Variants in AGBL4 observed in about 807,000 individuals in gnomAD.
AGBL4 encodes cytosolic carboxypeptidase 6.
A neutral mutation model predicts 66.4 loss-of-function variants in AGBL4; 58 were observed. The observed-to-expected ratio is 0.87, with a 90% CI of 0.71 to 1.09. The LOEUF (loss-of-function observed/expected upper bound fraction) is 1.09, where lower values mean the gene tolerates loss of function less well. Ranked by LOEUF, AGBL4 falls within the 50% of genes least tolerant of loss-of-function variation. The pLI is 0.00. For synonymous variants in AGBL4, 234 were observed against 222.9 expected (o/e 1.05, Z -0.44); for missense variants, 579 against 631.0 (o/e 0.92, Z 0.88).
chr1:49,805,667 T>C (rs542578815), intron 2 of AGBL4, among the ~76,000 whole-genome samples: 17 of 152,322 alleles, frequency 1.1e-4, no homozygotes, highest in African/African-American at 3.8e-4. Flanking sequence ...TAAAACCTAA[T>C]CAGCAATGTG....
chr1:48,535,594 C>T (rs982898959), intron 12 of AGBL4, among the ~76,000 whole-genome samples: 5 of 152,180 alleles, frequency 3.3e-5, no homozygotes, highest in Non-Finnish European at 2.9e-5. Context: ...AACGTTCTGG[C>T]CTTGTCACTG....
intron 12 of AGBL4, among the ~76,000 whole-genome samples, chr1:48,537,918 A>G (rs1177999252): frequency 1.3e-5 from 2 of 152,134 alleles, no homozygotes; most frequent in African/African-American, 4.8e-5. Context: ...TTAATCAGCC[A>G]CTCATCCCAG....
At chr1:48,648,786 A>G (rs746118644) in intron 8 of AGBL4, among the ~76,000 whole-genome samples, 2 of 152,218 alleles carry the variant, frequency 1.3e-5, no homozygotes, top group Non-Finnish European at 2.9e-5. Flanking sequence ...ATAACTAAGT[A>G]TGGCTGAGAA....
intron 5 of AGBL4, among the ~76,000 whole-genome samples, chr1:48,972,957 A>G (rs1301849158): frequency 3.9e-5 from 6 of 152,124 alleles, no homozygotes; most frequent in African/African-American, 9.7e-5. Context: ...TACCAGGCTC[A>G]TATAGATCAA....
chr1:49,317,310 C>T (rs1043498749), intron 3 of AGBL4, among the ~76,000 whole-genome samples: 1 of 151,848 alleles, frequency 6.6e-6, no homozygotes, highest in Admixed American at 6.6e-5. Context: ...GAGCTATTTA[C>T]TTTGCCTTTC....
At chr1:49,927,863 A>G (rs1195665265) in intron 1 of AGBL4, among the ~76,000 whole-genome samples, 1 of 152,242 alleles carries the variant, frequency 6.6e-6, no homozygotes, top group East Asian at 1.9e-4. Context: ...GCTGCCAATA[A>G]TTAACAGAAT....
intron 3 of AGBL4, among the ~76,000 whole-genome samples, chr1:49,339,720 T>C (rs1294176568): frequency 6.6e-6 from 1 of 152,208 alleles, no homozygotes; most frequent in East Asian, 1.9e-4. Flanking sequence ...ATAACATTTT[T>C]ATTATAGAAA....
chr1:49,413,505 C>T (rs1002556078), intron 3 of AGBL4, among the ~76,000 whole-genome samples: 1 of 152,114 alleles, frequency 6.6e-6, no homozygotes, highest in East Asian at 1.9e-4. Flanking sequence ...TTGATTTGAC[C>T]AATGCCTTTT....
chr1:49,277,443 G>A (rs1644189597), intron 3 of AGBL4, among the ~76,000 whole-genome samples: 1 of 151,960 alleles, frequency 6.6e-6, no homozygotes, highest in Non-Finnish European at 1.5e-5. Flanking sequence ...GAAGAATTTG[G>A]ACAAACAAAG....
At chr1:49,752,096 T>A (rs1651523338) in intron 2 of AGBL4, among the ~76,000 whole-genome samples, 1 of 152,078 alleles carries the variant, frequency 6.6e-6, no homozygotes, top group Non-Finnish European at 1.5e-5. Flanking sequence ...CTGATCTCAG[T>A]TATTTCTTGT....
At chr1:49,766,671 A>G (rs1294710232) in intron 2 of AGBL4, among the ~76,000 whole-genome samples, 2 of 151,940 alleles carry the variant, frequency 1.3e-5, no homozygotes, top group East Asian at 3.9e-4. Context: ...CCTTCCATCC[A>G]CTATCTTCAA....
intron 4 of AGBL4, among the ~76,000 whole-genome samples, chr1:49,173,387 G>C (rs879030491): frequency 6.6e-6 from 1 of 152,162 alleles, no homozygotes; most frequent in Non-Finnish European, 1.5e-5. Context: ...AACTAGAAAA[G>C]AGTAGAGCTA....
intron 6 of AGBL4, among the ~76,000 whole-genome samples, chr1:48,703,511 T>G (rs772948746): frequency 2.0e-5 from 3 of 151,996 alleles, no homozygotes; most frequent in Admixed American, 6.6e-5. Context: ...GGGTATAAAA[T>G]AAAAAAGAAA....
chr1:49,520,454 T>G (rs1410863151), intron 3 of AGBL4, among the ~76,000 whole-genome samples: 1 of 152,050 alleles, frequency 6.6e-6, no homozygotes, highest in Non-Finnish European at 1.5e-5. Flanking sequence ...CATTTTAATG[T>G]TTGATATGAT....
At chr1:49,987,350 A>C (rs554197262) in intron 1 of AGBL4, among the ~76,000 whole-genome samples, 1 of 152,100 alleles carries the variant, frequency 6.6e-6, no homozygotes, top group South Asian at 2.1e-4. Flanking sequence ...CCCTATGATA[A>C]TAAGAGCTGA....
At chr1:49,655,768 G>GT (rs1346043494) in intron 3 of AGBL4, among the ~76,000 whole-genome samples, 1 of 152,150 alleles carries the variant, frequency 6.6e-6, no homozygotes, top group African/African-American at 2.4e-5. Context: ...CCAGGAGCTG[G>GT]TTTTTTGAAA....
chr1:49,006,843 A>C (rs1190190468), intron 5 of AGBL4, among the ~76,000 whole-genome samples: 31 of 148,452 alleles, frequency 2.1e-4, no homozygotes, highest in African/African-American at 7.1e-4. Flanking sequence ...AAACTAACAA[A>C]CAGAAAGGAC....
chr1:48,619,256 G>A (rs542405341), intron 9 of AGBL4, among the ~76,000 whole-genome samples: 28 of 152,322 alleles, frequency 1.8e-4, no homozygotes, highest in African/African-American at 6.5e-4. Flanking sequence ...GAGTGCAGAG[G>A]TGACGGAAAC....
At chr1:48,712,556 T>C (rs1442120696) in intron 6 of AGBL4, among the ~76,000 whole-genome samples, 1 of 151,948 alleles carries the variant, frequency 6.6e-6, no homozygotes, top group Non-Finnish European at 1.5e-5. Context: ...TCTGTGTGCT[T>C]TATATATATC....
Sources: gnomAD v4.1 joint callset for allele counts (sites outside exome capture counted in the v4.1 genomes callset) on GRCh38, gnomAD v4.1.1 for gene constraint, MANE v1.5 for transcripts, NCBI Gene and HGNC (gene_info 2026-07-23, HGNC 2026-07-21) for gene names.